NFIL3: variants seen among roughly 807,000 people sequenced by gnomAD.
NFIL3 encodes the protein nuclear factor, interleukin 3 regulated.
NFIL3 carries 5 observed loss-of-function variants against 10.0 expected under a neutral mutation model. That is an observed-to-expected ratio of 0.50 (90% CI 0.26 to 1.06). The LOEUF (loss-of-function observed/expected upper bound fraction) is 1.06. NFIL3 is among the 50% of genes least tolerant of loss of function. NFIL3 has a pLI of 0.13. For missense variants in NFIL3, 436 were observed against 547.6 expected (o/e 0.80, Z 2.03); for synonymous variants, 202 against 206.5 (o/e 0.98, Z 0.19).
chr9:91,412,519 C>T (rs1833572806), intron 1 of NFIL3, among the ~76,000 whole-genome samples: 1 of 152,122 alleles, frequency 6.6e-6, no homozygotes, highest in Non-Finnish European at 1.5e-5. Context: ...GCACGATCTG[C>T]ACACAGTGGC....
chr9:91,450,498 T>C, the NFIL3 span, among the ~76,000 whole-genome samples: 1 of 152,230 alleles, frequency 6.6e-6, no homozygotes, highest in African/African-American at 2.4e-5. Flanking sequence ...AATTTCCATA[T>C]ATTTGTGAAT....
At chr9:91,412,903 C>G (rs1656623586) in intron 1 of NFIL3, among the ~76,000 whole-genome samples, 1 of 151,760 alleles carries the variant, frequency 6.6e-6, no homozygotes, top group African/African-American at 2.4e-5. Flanking sequence ...GCCACTATCT[C>G]CTTCTTACGC....
chr9:91,425,888 C>G (rs573140986), upstream of NFIL3, among the ~76,000 whole-genome samples: 39 of 152,246 alleles, frequency 2.6e-4, no homozygotes, highest in African/African-American at 8.9e-4. Context: ...TATTAGTTGC[C>G]TTTTTGGGGT....
chr9:91,456,647 A>C, the NFIL3 span, among the ~76,000 whole-genome samples: 1 of 152,052 alleles, frequency 6.6e-6, no homozygotes, highest in Admixed American at 6.6e-5. Context: ...GTGTATGGCT[A>C]GCTTTTCATT....
the NFIL3 span, among the ~76,000 whole-genome samples, chr9:91,464,941 T>C: frequency 6.6e-6 from 1 of 152,152 alleles, no homozygotes; most frequent in Non-Finnish European, 1.5e-5. Flanking sequence ...TCCTCTGTCT[T>C]CTTTAATGAT....
At chr9:91,414,334 G>T (rs1237936931) in intron 1 of NFIL3, among the ~76,000 whole-genome samples, 2 of 152,226 alleles carry the variant, frequency 1.3e-5, no homozygotes, top group African/African-American at 4.8e-5. Context: ...CTCCCAAGTA[G>T]CTGGGATTAC....
Position 91,410,299 on chromosome 9 carries a change from C to A in NFIL3, c.436G>T (p.Ala146Ser), listed in dbSNP as rs138611038. The A allele has an allele frequency of 6.4e-5, 103 of 1,614,214 alleles. 2 individuals are homozygous for A. In the Middle Eastern group the frequency reaches 9.9e-4, roughly 16 times the overall value. Residue 146 changes from alanine (A) to serine (S), a missense_variant, in exon 2 of 2, where the codon GCT becomes TCT. By Grantham distance (99) the Ala-to-Ser change is moderately conservative. This residue lies in a region of NFIL3 where 338 missense variants were observed against 399.9 expected (regional missense o/e 0.85). Transcript: ENST00000297689. This position sits in a 1 kb window ranked among gnomAD's most constrained non-coding sequence, Gnocchi z 5.7. ...QEIQKLSNST[A>S]VYFQDYQTSK... is the part of the protein sequence containing the mutation. Reference sequence around the variant, plus strand: ...GTCTGGTAATCTTGAAAGTACACAGCTGTAGAATTACTGAGTTTCTGAATC... The same window carrying A: ...GTCTGGTAATCTTGAAAGTACACAGATGTAGAATTACTGAGTTTCTGAATC...
the NFIL3 span, among the ~76,000 whole-genome samples, chr9:91,480,144 ATTTT>A: frequency 7.1e-6 from 1 of 140,546 alleles, no homozygotes. Flanking sequence ...ATAATCTAAT[ATTTT>A]TTTTTTTTTT....
intron 1 of NFIL3, among the ~76,000 whole-genome samples, chr9:91,419,824 C>G (rs1016477223): frequency 1.3e-5 from 2 of 152,202 alleles, no homozygotes; most frequent in East Asian, 3.8e-4. Flanking sequence ...AAGCCCTGAC[C>G]TATGTCGCAA....
At chr9:91,482,918 C>G in the NFIL3 span, among the ~76,000 whole-genome samples, 1 of 152,226 alleles carries the variant, frequency 6.6e-6, no homozygotes, top group African/African-American at 2.4e-5. Context: ...ACCCGAAAGG[C>G]GCACATGTCA....
At chr9:91,464,979 G>T in the NFIL3 span, among the ~76,000 whole-genome samples, 1 of 151,846 alleles carries the variant, frequency 6.6e-6, no homozygotes, top group Non-Finnish European at 1.5e-5. Context: ...TTTCTTAGTT[G>T]CAATAGGCTA....
chr9:91,454,579 C>A, the NFIL3 span, among the ~76,000 whole-genome samples: 1 of 152,178 alleles, frequency 6.6e-6, no homozygotes, highest in Non-Finnish European at 1.5e-5. Flanking sequence ...TGCCTGTAAT[C>A]CCAGCACTTT....
At chr9:91,421,770 T>C (rs1833774378) in intron 1 of NFIL3, among the ~76,000 whole-genome samples, 1 of 152,114 alleles carries the variant, frequency 6.6e-6, no homozygotes, top group Non-Finnish European at 1.5e-5. Context: ...TGCAATTATT[T>C]GGGGTAATAT....
At chr9:91,482,360 AG>A in the NFIL3 span, among the ~76,000 whole-genome samples, 1 of 152,134 alleles carries the variant, frequency 6.6e-6, no homozygotes, top group Non-Finnish European at 1.5e-5. Flanking sequence ...ATGTGGTGAA[AG>A]TTATGGCAAA....
At chr9:91,429,599 C>G in the NFIL3 span, among the ~76,000 whole-genome samples, 3 of 151,734 alleles carry the variant, frequency 2.0e-5, no homozygotes, top group South Asian at 6.3e-4. Context: ...TGAATGCTCT[C>G]CGTTTGGTAA....
chr9:91,480,342 G>A, the NFIL3 span, among the ~76,000 whole-genome samples: 1 of 152,090 alleles, frequency 6.6e-6, no homozygotes, highest in Admixed American at 6.6e-5. Flanking sequence ...AAACCCGTGT[G>A]TGAGCTTACA....
At chr9:91,440,968 G>A in the NFIL3 span, among the ~76,000 whole-genome samples, 1 of 152,114 alleles carries the variant, frequency 6.6e-6, no homozygotes, top group Admixed American at 6.6e-5. Context: ...TGAGAAAAAT[G>A]TGTATTCTGC....
chr9:91,471,788 C>T, the NFIL3 span, among the ~76,000 whole-genome samples: 12 of 152,158 alleles, frequency 7.9e-5, no homozygotes, highest in African/African-American at 2.9e-4. Context: ...GATGCAGTTT[C>T]TTCCTAGCAT....
the NFIL3 span, among the ~76,000 whole-genome samples, chr9:91,434,703 A>G: frequency 0.34 from 51,923 of 152,156 alleles, 10,933 homozygotes; most frequent in Non-Finnish European, 0.47. Flanking sequence ...ACTCTTATAA[A>G]TTTACAAGAA....
Sources: gnomAD v4.1 joint callset for allele counts (sites outside exome capture counted in the v4.1 genomes callset) on GRCh38, gnomAD v4.1.1 for gene constraint, gnomAD v4.1.1 regional missense constraint, Gnocchi (gnomAD v3.1) non-coding constraint, MANE v1.5 for transcripts, NCBI Gene and HGNC (gene_info 2026-07-23, HGNC 2026-07-21) for gene names.